ANK3: variants seen among roughly 807,000 people sequenced by gnomAD.
The protein encoded by ANK3 is ankyrin-3.
A neutral mutation model predicts 370.9 loss-of-function variants in ANK3; 57 were observed. The observed-to-expected ratio is 0.15, with a 90% CI of 0.12 to 0.19. The LOEUF is 0.19. Ranked by LOEUF, ANK3 falls within the 10% of genes least tolerant of loss-of-function variation. The pLI is 1.00. For missense variants in ANK3, 4,439 were observed against 5,302.1 expected (o/e 0.84, Z 5.06); for synonymous variants, 1,929 against 1,946.3 (o/e 0.99, Z 0.23).
At chr10:60,233,672 C>G (rs562588090) in intron 8 of ANK3, among the ~76,000 whole-genome samples, 3 of 152,066 alleles carry the variant, frequency 2.0e-5, no homozygotes, top group Non-Finnish European at 4.4e-5. Flanking sequence ...CCTGGACTCA[C>G]GTGATCCTCC....
In ANK3 at chr10:60,353,042, G is replaced by C. The variant is rs541107740; in HGVS notation, c.114+36383C>G. Among the ~76,000 whole-genome samples the C allele has an allele frequency of 2.1e-4, 32 of 152,210 alleles. No homozygotes were observed. The East Asian group carries it at 5.2e-3, about 25-fold the overall frequency. On this transcript the variant is annotated intron_variant, in intron 1 of 43. Coordinates refer to ENST00000280772, the MANE Select transcript of ANK3 (RefSeq NM_020987.5). ...TCTGTCACCCCGGCTGGAGTGCAGA[G>C]GCGTGATCTCGGCTCACTGCATTCT...
chr10:60,568,674 G>A (rs2077518899), intron 2 of ANK3, among the ~76,000 whole-genome samples: 1 of 152,180 alleles, frequency 6.6e-6, no homozygotes, highest in African/African-American at 2.4e-5. Flanking sequence ...CACCTAAGTT[G>A]TGAACCTGGA....
intron 2 of ANK3, among the ~76,000 whole-genome samples, chr10:60,547,672 CAGAG>C (rs932759782): frequency 6.7e-6 from 1 of 148,420 alleles, no homozygotes; most frequent in Non-Finnish European, 1.5e-5. Context: ...GACAGAGAGA[CAGAG>C]AGAGAGAGAC....
At chr10:60,480,210 T>C (rs1383479822) in intron 2 of ANK3, among the ~76,000 whole-genome samples, 1 of 152,292 alleles carries the variant, frequency 6.6e-6, no homozygotes, top group East Asian at 1.9e-4. Flanking sequence ...TGGGGTGATA[T>C]GATGAGTTCA....
At chr10:60,100,558 T>C (rs923687150) in intron 28 of ANK3, among the ~76,000 whole-genome samples, 1 of 152,198 alleles carries the variant, frequency 6.6e-6, no homozygotes, top group Non-Finnish European at 1.5e-5. Flanking sequence ...AAGTACCAAT[T>C]TCCCTTTCCT....
At chr10:60,575,283 C>A (rs548909710) in intron 2 of ANK3, among the ~76,000 whole-genome samples, 1 of 151,542 alleles carries the variant, frequency 6.6e-6, no homozygotes, top group Non-Finnish European at 1.5e-5. Flanking sequence ...TGGCTGTATT[C>A]ATTTGTATAT....
At chr10:60,479,057 CCTCTT>C (rs1567076812) in intron 2 of ANK3, among the ~76,000 whole-genome samples, 2 of 152,062 alleles carry the variant, frequency 1.3e-5, no homozygotes. Context: ...GGAACTAAAG[CCTCTT>C]CTAAGATTTA....
At chr10:60,612,789 T>A (rs1430688745) in intron 2 of ANK3, among the ~76,000 whole-genome samples, 1 of 152,228 alleles carries the variant, frequency 6.6e-6, no homozygotes, top group Non-Finnish European at 1.5e-5. Flanking sequence ...CCTGGTGGCG[T>A]TGGAGCCTCT....
At chr10:60,164,761 A>G (rs531992966) in intron 23 of ANK3, among the ~76,000 whole-genome samples, 2 of 152,174 alleles carry the variant, frequency 1.3e-5, no homozygotes, top group Non-Finnish European at 2.9e-5. Context: ...GGCACAGGAG[A>G]TCCTAAGCAG....
chr10:60,032,676 G>C (rs1305542945), intron 43 of ANK3, among the ~76,000 whole-genome samples: 1 of 152,078 alleles, frequency 6.6e-6, no homozygotes, highest in African/African-American at 2.4e-5. Flanking sequence ...TATTGGATAT[G>C]TTTCTATCAT....
In ANK3 at chr10:60,359,942, T is replaced by C. The variant is rs80052004; in HGVS notation, c.114+29483A>G. On this transcript the variant is annotated intron_variant, in intron 1 of 43. Transcript: ENST00000280772. The stretch of plus-strand genomic sequence containing the variant: ...ATCAAATTAGACCAAACTTAAAGGA[T>C]TAAGCACAACTCTACTATTCGTTTC... 3.2e-3 allele frequency among the ~76,000 whole-genome samples: 482 copies of C among 152,328 alleles called. 3 individuals carry two copies. Among genetic ancestry groups the C allele is most frequent in the Admixed American group, 7.7e-3 (118 of 15,306 alleles).
At chr10:60,322,835 T>C (rs563873465) in intron 1 of ANK3, among the ~76,000 whole-genome samples, 1 of 152,214 alleles carries the variant, frequency 6.6e-6, no homozygotes, top group Non-Finnish European at 1.5e-5. Flanking sequence ...TTGGGGTATA[T>C]TTTAAAGGCA....
intron 41 of ANK3, among the ~76,000 whole-genome samples, chr10:60,058,183 TAGTAGTATTC>T (rs1205588409): frequency 6.6e-6 from 1 of 152,200 alleles, no homozygotes; most frequent in Non-Finnish European, 1.5e-5. Flanking sequence ...TTAAGGAAGG[TAGTAGTATTC>T]TTATATTTAA....
At chr10:60,386,610 T>C (rs932861829) in intron 1 of ANK3, among the ~76,000 whole-genome samples, 14 of 152,058 alleles carry the variant, frequency 9.2e-5, no homozygotes, top group South Asian at 2.1e-4. Flanking sequence ...GTATAATTCA[T>C]TGAGTTTTTA....
chr10:60,726,214 A>G (rs2079938561), intron 1 of ANK3, among the ~76,000 whole-genome samples: 1 of 151,288 alleles, frequency 6.6e-6, no homozygotes, highest in Non-Finnish European at 1.5e-5. Context: ...TCCTTCATAT[A>G]AAAAAAAACA....
intron 8 of ANK3, among the ~76,000 whole-genome samples, chr10:60,226,792 T>C (rs2097171322): frequency 6.8e-6 from 1 of 147,888 alleles, no homozygotes; most frequent in South Asian, 2.1e-4. Flanking sequence ...TATACCACTT[T>C]ATGTATAACA....
chr10:60,390,894 AG>A (rs1199072725), upstream of ANK3, among the ~76,000 whole-genome samples: 1 of 152,148 alleles, frequency 6.6e-6, no homozygotes, highest in Non-Finnish European at 1.5e-5. Context: ...TTGACTTTGT[AG>A]GGCTGAAAGT....
At chr10:60,137,053 A>G (rs1329406792) in intron 24 of ANK3, among the ~76,000 whole-genome samples, 2 of 152,148 alleles carry the variant, frequency 1.3e-5, no homozygotes, top group Admixed American at 1.3e-4. Context: ...TTTTCTGCAA[A>G]CCCAGTGAAA....
intron 1 of ANK3, among the ~76,000 whole-genome samples, chr10:60,294,699 G>A (rs925372606): frequency 1.3e-5 from 2 of 152,090 alleles, no homozygotes; most frequent in African/African-American, 2.4e-5. Context: ...TAAAAACAAG[G>A]TTAGCTCACT....
Sources: allele counts gnomAD v4.1 joint callset (sites outside exome capture counted in the v4.1 genomes callset), GRCh38; gene constraint gnomAD v4.1.1; transcripts MANE v1.5; gene names NCBI Gene and HGNC (gene_info 2026-07-23, HGNC 2026-07-21).